The following DLG2 variants were observed in gnomAD, a reference collection of about 807,000 sequenced individuals.
The protein encoded by DLG2 is discs large MAGUK scaffold protein 2, also known as disks large homolog 2.
Under a neutral mutation model 132.5 loss-of-function variants are expected in DLG2, and 45 were observed. The observed-to-expected ratio is 0.34, with a 90% CI of 0.27 to 0.44. The LOEUF (loss-of-function observed/expected upper bound fraction) is 0.44. Ranked by LOEUF, DLG2 falls within the 20% of genes least tolerant of loss-of-function variation. The probability of loss-of-function intolerance (pLI) is 1.00; values close to 1 mark genes in which losing one functional copy is unlikely to be tolerated. For synonymous variants in DLG2, 424 were observed against 419.6 expected (o/e 1.01, Z -0.13); for missense variants, 1,045 against 1,196.9 (o/e 0.87, Z 1.87).
intron 5 of DLG2, among the ~76,000 whole-genome samples, chr11:85,153,698 T>C (rs2077412643): frequency 6.7e-6 from 1 of 150,196 alleles, no homozygotes; most frequent in South Asian, 2.1e-4. Flanking sequence ...AAAGTTTTCA[T>C]TAATATCTTT....
At chr11:84,409,126 C>T (rs1397506547) in intron 7 of DLG2, among the ~76,000 whole-genome samples, 4 of 152,302 alleles carry the variant, frequency 2.6e-5, no homozygotes, top group East Asian at 1.9e-4. Context: ...CCTTGCACTT[C>T]CCCCCAAGAA....
chr11:84,261,926 T>C lies in DLG2; in HGVS notation c.520-10635A>G, dbSNP rs1289652483. Among the ~76,000 whole-genome samples the C allele has an allele frequency of 2.0e-5, 3 of 152,122 alleles. No individual in the cohort carries two copies. In the South Asian group the frequency reaches 6.2e-4, roughly 32 times the overall value. Reference sequence around the variant, plus strand: ...TGATGAGCTCTTATACCACACTGCTTGATGGTGTCCATGTGTGAGCATCTG... The same window carrying C: ...TGATGAGCTCTTATACCACACTGCTCGATGGTGTCCATGTGTGAGCATCTG... On this transcript the variant is annotated intron_variant, in intron 7 of 27. Transcript: ENST00000376104.
At chr11:84,527,919 C>CTCTT (rs1421688961) in intron 7 of DLG2, among the ~76,000 whole-genome samples, 1 of 151,744 alleles carries the variant, frequency 6.6e-6, no homozygotes. Context: ...CTCTCTCTCT[C>CTCTT]TCTCTCTCTC....
At position 84,126,010 on chromosome 11, in the gene DLG2, T is replaced by A. The variant is rs535591893; in HGVS notation, c.625-26963A>T. 2.6e-5 allele frequency among the ~76,000 whole-genome samples: 4 copies of A among 152,316 alleles called. No homozygotes were observed. The South Asian group carries it at 8.3e-4, about 32-fold the overall frequency. ...TTAATAAAGAGGATAAAATCAGCTA[T>A]TGAAAGTTTTTAAAAATTGCATTTT... is the stretch of plus-strand genomic sequence containing the variant. On this transcript the variant is annotated intron_variant, in intron 9 of 27. Transcript: ENST00000376104.
chr11:85,517,936 C>A (rs952218086), intron 3 of DLG2, among the ~76,000 whole-genome samples: 1 of 152,128 alleles, frequency 6.6e-6, no homozygotes, highest in Non-Finnish European at 1.5e-5. Context: ...AGTTTCCCTG[C>A]ACAAGTTCTT....
At chr11:84,080,614 T>C (rs2096888255) in intron 10 of DLG2, among the ~76,000 whole-genome samples, 1 of 152,226 alleles carries the variant, frequency 6.6e-6, no homozygotes, top group Non-Finnish European at 1.5e-5. Flanking sequence ...AAATAGATTG[T>C]GTTTTAATAA....
At chr11:84,062,736 A>ATGT (rs1555310224) in intron 10 of DLG2, among the ~76,000 whole-genome samples, 4 of 149,142 alleles carry the variant, frequency 2.7e-5, no homozygotes, top group Non-Finnish European at 1.5e-5. Flanking sequence ...GATTGTTTTA[A>ATGT]TTTTTTTTTT....
chr11:84,296,425 G>C (rs1230909491), intron 7 of DLG2, among the ~76,000 whole-genome samples: 5 of 152,086 alleles, frequency 3.3e-5, no homozygotes, highest in Non-Finnish European at 7.4e-5. Context: ...ATGTGTTCCA[G>C]AGATGTACTT....
intron 4 of DLG2, among the ~76,000 whole-genome samples, chr11:85,280,223 C>A (rs999407040): frequency 1.1e-4 from 16 of 151,990 alleles, no homozygotes; most frequent in Non-Finnish European, 2.4e-4. Flanking sequence ...TCCACAAGAT[C>A]ATTATCAATA....
chr11:84,299,679 G>C (rs1445497567), intron 7 of DLG2, among the ~76,000 whole-genome samples: 1 of 152,144 alleles, frequency 6.6e-6, no homozygotes, highest in Non-Finnish European at 1.5e-5. Context: ...ACTTGCGTTT[G>C]ATTTAGTTAT....
At position 85,446,968 on chromosome 11, in the gene DLG2, G is replaced by A. The variant is rs138334636; in HGVS notation, c.40+151689C>T. Among the ~76,000 whole-genome samples the A allele has an allele frequency of 7.9e-5, 12 of 152,044 alleles. No individual in the cohort carries two copies. The East Asian group carries it at 1.9e-3, about 24-fold the overall frequency. On this transcript the variant is annotated intron_variant, in intron 3 of 27. Transcript: ENST00000376104. ...AAAATCTTTTAGTCTAATGAATCACGGCAATTTTACGTTATTTAAAAAGAG... is the reference window on the plus strand; with the variant it reads ...AAAATCTTTTAGTCTAATGAATCACAGCAATTTTACGTTATTTAAAAAGAG...
intron 3 of DLG2, among the ~76,000 whole-genome samples, chr11:85,381,568 T>G (rs2085891273): frequency 6.6e-6 from 1 of 152,016 alleles, no homozygotes; most frequent in Non-Finnish European, 1.5e-5. Context: ...TTATCTCTAG[T>G]TACAGGTGAT....
chr11:83,695,224 A>G (rs928006693), intron 18 of DLG2, among the ~76,000 whole-genome samples: 1 of 152,226 alleles, frequency 6.6e-6, no homozygotes, highest in East Asian at 1.9e-4. Flanking sequence ...TGGAGCATCT[A>G]TTATATGCCT....
At chr11:84,869,911 A>G (rs1002472451) in intron 6 of DLG2, among the ~76,000 whole-genome samples, 2 of 152,242 alleles carry the variant, frequency 1.3e-5, no homozygotes, top group Non-Finnish European at 1.5e-5. Context: ...ATTTTGGAAT[A>G]TTCCCTTCCG....
chr11:83,622,476 C>T (rs1426319809), intron 19 of DLG2, among the ~76,000 whole-genome samples: 1 of 152,220 alleles, frequency 6.6e-6, no homozygotes, highest in Admixed American at 6.5e-5. Context: ...ATCACAAATC[C>T]ATATGCTCTG....
intron 3 of DLG2, among the ~76,000 whole-genome samples, chr11:85,405,245 T>A (rs1334015698): frequency 6.6e-6 from 1 of 151,992 alleles, no homozygotes; most frequent in African/African-American, 2.4e-5. Flanking sequence ...ATATTCAACA[T>A]TTTGTGGCTC....
At chr11:83,505,357 C>T (rs898510214) in intron 21 of DLG2, among the ~76,000 whole-genome samples, 1 of 152,268 alleles carries the variant, frequency 6.6e-6, no homozygotes, top group Middle Eastern at 3.4e-3. Flanking sequence ...TTGCTGAGCC[C>T]ATGCATAATC....
chr11:85,177,490 C>G (rs181634673), intron 4 of DLG2, among the ~76,000 whole-genome samples: 6 of 152,014 alleles, frequency 3.9e-5, no homozygotes, highest in East Asian at 1.9e-4. Flanking sequence ...TGGACACATG[C>G]AGGGGAACAA....
intron 3 of DLG2, among the ~76,000 whole-genome samples, chr11:85,512,460 C>A (rs1197300070): frequency 6.6e-6 from 1 of 152,050 alleles, no homozygotes; most frequent in East Asian, 1.9e-4. Flanking sequence ...CCTTTGGATA[C>A]TGTGTCTATA....
Sources: allele counts gnomAD v4.1 joint callset (sites outside exome capture counted in the v4.1 genomes callset), GRCh38; gene constraint gnomAD v4.1.1; transcripts MANE v1.5; gene names NCBI Gene and HGNC (gene_info 2026-07-23, HGNC 2026-07-21).